CMSS1: variants seen among roughly 807,000 people sequenced by gnomAD.
The protein encoded by CMSS1 is cms1 ribosomal small subunit homolog.
A neutral mutation model predicts 43.5 loss-of-function variants in CMSS1; 33 were observed. That is an observed-to-expected ratio of 0.76 (90% CI 0.57 to 1.01). CMSS1 has a LOEUF of 1.01. CMSS1 is among the 50% of genes least tolerant of loss of function. The pLI, the probability that CMSS1 is intolerant of heterozygous loss-of-function variation, is 0.00. For missense variants in CMSS1, 313 were observed against 326.4 expected, an observed-to-expected ratio of 0.96 and a Z score of 0.32; for synonymous variants, 115 against 117.2, an observed-to-expected ratio of 0.98 and a Z score of 0.12.
chr3:99,976,878 T>A (rs1386908177), intron 1 of CMSS1, among the ~76,000 whole-genome samples: 1 of 152,178 alleles, frequency 6.6e-6, no homozygotes, highest in East Asian at 1.9e-4. Context: ...TCTGGCTTCC[T>A]ACCTTGCCCC....
chr3:99,920,666 C>T (rs1056266518), intron 1 of CMSS1, among the ~76,000 whole-genome samples: 1 of 152,200 alleles, frequency 6.6e-6, no homozygotes, highest in Non-Finnish European at 1.5e-5. Context: ...CCTGCCCCCA[C>T]CCACCCTCAG....
chr3:99,944,012 A>T (rs1707930801), intron 1 of CMSS1, among the ~76,000 whole-genome samples: 1 of 152,198 alleles, frequency 6.6e-6, no homozygotes, highest in African/African-American at 2.4e-5. Context: ...CCTAATGGAG[A>T]TGTCATAATG....
intron 6 of CMSS1, 142 bp from the exon 7 acceptor site, chr3:100,171,697 C>T: frequency 9.2e-6 from 6 of 655,124 alleles, no homozygotes; most frequent in Non-Finnish European, 1.6e-5. Context: ...ACCTGCAAAT[C>T]TCAGAATTTG....
rs147005780 is a variant in CMSS1 at position 100,109,296 on chromosome 3, G to A, written c.65-37677G>A. 4.2e-3 allele frequency among the ~76,000 whole-genome samples: 634 copies of A among 152,198 alleles called. 3 individuals are homozygous for A. The highest frequency in any genetic ancestry group is 0.015 in the African/African-American group (605 of 41,550). On this transcript the variant is annotated intron_variant, in intron 1 of 9. Coordinates refer to ENST00000421999, the MANE Select transcript of CMSS1 (RefSeq NM_032359.4). ...CAGGATACGCTGGTTGAAGTTTGAA[G>A]TGGGATTCTCTCAATATAGAGCCAC...
At chr3:99,965,803 T>C (rs1194793314) in intron 1 of CMSS1, among the ~76,000 whole-genome samples, 1 of 152,194 alleles carries the variant, frequency 6.6e-6, no homozygotes, top group East Asian at 1.9e-4. Flanking sequence ...GAAAATGCTT[T>C]ATAAACTGCA....
intron 1 of CMSS1, among the ~76,000 whole-genome samples, chr3:99,971,380 A>C (rs1324320786): frequency 1.3e-5 from 2 of 151,574 alleles, no homozygotes; most frequent in Non-Finnish European, 2.9e-5. Context: ...CCCATAAGTG[A>C]GATCACCACA....
chr3:100,087,615 A>G (rs1225707308), intron 1 of CMSS1, among the ~76,000 whole-genome samples: 1 of 152,076 alleles, frequency 6.6e-6, no homozygotes, highest in Non-Finnish European at 1.5e-5. Flanking sequence ...TTATTTATAT[A>G]TTCTGAATAC....
chr3:100,168,159 A>G (rs1455794966), intron 6 of CMSS1, among the ~76,000 whole-genome samples: 1 of 152,232 alleles, frequency 6.6e-6, no homozygotes, highest in African/African-American at 2.4e-5. Context: ...AACAAAGTGA[A>G]GAAGAAAGCC....
chr3:99,945,836 C>T (rs985390899), intron 1 of CMSS1, among the ~76,000 whole-genome samples: 11 of 152,194 alleles, frequency 7.2e-5, no homozygotes, highest in African/African-American at 2.7e-4. Context: ...CCTGTCAGGG[C>T]TCTCACGTTC....
chr3:99,841,143 T>C (rs768907103), intron 1 of CMSS1, among the ~76,000 whole-genome samples: 1 of 152,238 alleles, frequency 6.6e-6, no homozygotes, highest in Non-Finnish European at 1.5e-5. Context: ...ACATATTGCA[T>C]ACTAAGACAC....
At chr3:99,983,450 A>G (rs1464299813) in intron 1 of CMSS1, among the ~76,000 whole-genome samples, 116 of 10,034 alleles carry the variant, frequency 0.012, 1 homozygote, top group African/African-American at 0.03. Flanking sequence ...ATGTATGTAT[A>G]TATATATATG....
chr3:99,878,095 T>C (rs545851587), intron 1 of CMSS1, among the ~76,000 whole-genome samples: 49 of 152,358 alleles, frequency 3.2e-4, no homozygotes, highest in African/African-American at 1.2e-3. Context: ...TTCTACTCCT[T>C]GTATGCCCTT....
intron 1 of CMSS1, among the ~76,000 whole-genome samples, chr3:100,109,501 G>A (rs1010629779): frequency 6.6e-6 from 1 of 152,138 alleles, no homozygotes; most frequent in Non-Finnish European, 1.5e-5. Context: ...AGCGTCAGCT[G>A]TTGGCAACCA....
At chr3:99,950,357 C>T (rs1357475516) in intron 1 of CMSS1, among the ~76,000 whole-genome samples, 1 of 152,098 alleles carries the variant, frequency 6.6e-6, no homozygotes. Context: ...GTGATGGATG[C>T]CTGATTATTC....
intron 1 of CMSS1, among the ~76,000 whole-genome samples, chr3:99,958,097 T>C (rs927699944): frequency 5.4e-4 from 81 of 150,748 alleles, no homozygotes; most frequent in African/African-American, 1.9e-3. Flanking sequence ...AATTTTAATT[T>C]CCAGGATACA....
intron 1 of CMSS1, among the ~76,000 whole-genome samples, chr3:99,863,041 T>C (rs961428279): frequency 2.0e-5 from 3 of 152,208 alleles, no homozygotes; most frequent in Non-Finnish European, 4.4e-5. Context: ...ATAGACTTGG[T>C]CTACTTAGGC....
intron 1 of CMSS1, among the ~76,000 whole-genome samples, chr3:99,953,531 T>C (rs918476071): frequency 6.6e-6 from 1 of 152,222 alleles, no homozygotes; most frequent in Non-Finnish European, 1.5e-5. Context: ...CATGCCACGT[T>C]GGACCATTTT....
intron 1 of CMSS1, among the ~76,000 whole-genome samples, chr3:99,851,596 A>G (rs890470884): frequency 7.2e-5 from 11 of 152,244 alleles, no homozygotes; most frequent in Non-Finnish European, 1.2e-4. Flanking sequence ...GTCCTGGCAC[A>G]TGGTAAGCAT....
intron 6 of CMSS1, among the ~76,000 whole-genome samples, chr3:100,169,071 C>T (rs542509684): frequency 6.6e-6 from 1 of 152,098 alleles, no homozygotes; most frequent in Admixed American, 6.6e-5. Flanking sequence ...GGTGACAAAT[C>T]AGAAATCAGT....
Sources: allele counts gnomAD v4.1 joint callset (sites outside exome capture counted in the v4.1 genomes callset), GRCh38; gene constraint gnomAD v4.1.1; transcripts MANE v1.5; gene names NCBI Gene and HGNC (gene_info 2026-07-23, HGNC 2026-07-21).